PRPF18: variants seen among roughly 807,000 people sequenced by gnomAD.
The protein encoded by PRPF18 is pre-mRNA-splicing factor 18.
Under a neutral mutation model 46.5 loss-of-function variants are expected in PRPF18, and 38 were observed. The observed-to-expected ratio is 0.82, with a 90% CI of 0.63 to 1.07. PRPF18 has a LOEUF of 1.07. PRPF18 is among the 50% of genes least tolerant of loss of function. PRPF18 has a pLI of 0.00. For missense variants in PRPF18, 263 were observed against 410.0 expected (o/e 0.64, Z 3.10); for synonymous variants, 152 against 146.7 (o/e 1.04, Z -0.26).
At chr10:13,614,330 G>A (rs950655562) in intron 8 of PRPF18, among the ~76,000 whole-genome samples, 4 of 152,082 alleles carry the variant, frequency 2.6e-5, no homozygotes, top group African/African-American at 9.7e-5. Flanking sequence ...TTTTAAAATA[G>A]GCCTAAAGGT....
intron 5 of PRPF18, among the ~76,000 whole-genome samples, chr10:13,611,084 T>A (rs1182360101): frequency 1.3e-5 from 2 of 152,154 alleles, no homozygotes; most frequent in Admixed American, 1.3e-4. Context: ...CTGAATAAGA[T>A]CATAGTTGAG....
intron 5 of PRPF18, among the ~76,000 whole-genome samples, chr10:13,610,645 G>T (rs1450355815): frequency 6.6e-6 from 1 of 152,052 alleles, no homozygotes; most frequent in East Asian, 1.9e-4. Context: ...TTGACTTTTT[G>T]TTCTCCGGTA....
intron 5 of PRPF18, among the ~76,000 whole-genome samples, chr10:13,611,100 C>T (rs925195816): frequency 9.2e-5 from 14 of 151,592 alleles, no homozygotes; most frequent in East Asian, 1.9e-4. Context: ...TTGAGGAAGA[C>T]GTCATTTTAA....
chr10:13,638,006 T>G, the PRPF18 span: 1 of 152,366 alleles, frequency 6.6e-6, no homozygotes, highest in African/African-American at 2.4e-5. Context: ...GAGCCCTAAT[T>G]TGTTTAGAAC....
intron 1 of PRPF18, chr10:13,591,404 T>C (rs569730434): frequency 2.2e-6 from 1 of 459,424 alleles, no homozygotes; most frequent in East Asian, 3.3e-5. Context: ...TCATGTTTTA[T>C]TCAGTCCTCC....
chr10:13,610,256 G>T, intron 5 of PRPF18, 71 bp downstream of exon 5: 3 of 1,519,230 alleles, frequency 2.0e-6, no homozygotes, highest in Non-Finnish European at 2.7e-6. Flanking sequence ...GACTGAGTCG[G>T]GCAGATTGTT....
At chr10:13,644,654 G>C in the PRPF18 span, 5 of 152,196 alleles carry the variant, frequency 3.3e-5, no homozygotes, top group African/African-American at 1.2e-4. Context: ...GCATGATGTA[G>C]AACATGTAAC....
chr10:13,627,471 C>T (rs1414785492), intron 9 of PRPF18, among the ~76,000 whole-genome samples: 2 of 152,158 alleles, frequency 1.3e-5, no homozygotes, highest in African/African-American at 4.8e-5. Flanking sequence ...CTAAGCTAAG[C>T]AGCTCATTGT....
intron 1 of PRPF18, among the ~76,000 whole-genome samples, chr10:13,592,519 G>C (rs2079979101): frequency 6.6e-6 from 1 of 152,202 alleles, no homozygotes; most frequent in African/African-American, 2.4e-5. Context: ...GTTAATCTGT[G>C]ATAGTTGAAA....
At chr10:13,603,738 T>G (rs972856047) in intron 3 of PRPF18, among the ~76,000 whole-genome samples, 3 of 152,228 alleles carry the variant, frequency 2.0e-5, no homozygotes, top group Admixed American at 2.0e-4. Context: ...TCTGTACTTC[T>G]CGCAAGTTGA....
At chr10:13,601,373 T>C (rs931106622) in intron 3 of PRPF18, among the ~76,000 whole-genome samples, 1 of 152,226 alleles carries the variant, frequency 6.6e-6, no homozygotes, top group Non-Finnish European at 1.5e-5. Flanking sequence ...CCAACTATTA[T>C]TTTACTTAAA....
chr10:13,654,428 G>A, the PRPF18 span: 8 of 1,606,172 alleles, frequency 5.0e-6, no homozygotes, highest in Non-Finnish European at 6.0e-6. Flanking sequence ...AGTCTGCCAG[G>A]TTAGGATGTG....
In PRPF18 at chr10:13,616,382, T is replaced by C; in HGVS notation, c.793-16T>C. 6.3e-7 allele frequency: 1 copy of C among 1,596,400 alleles called. No homozygotes were observed. The highest frequency in any genetic ancestry group is 8.6e-7 in the Non-Finnish European group (1 of 1,168,606). Reference sequence around the variant, plus strand: ...CATTTTCGCCTTTCTGATTTCTTCTTACACTTTCCTTTCAGGCAAATGATG... The same window carrying C: ...CATTTTCGCCTTTCTGATTTCTTCTCACACTTTCCTTTCAGGCAAATGATG... On this transcript the variant is annotated splice_polypyrimidine_tract_variant and intron_variant, in intron 8 of 9. Coordinates refer to ENST00000378572, the MANE Select transcript of PRPF18 (RefSeq NM_003675.4).
At chr10:13,600,675 C>T (rs2080092419) in intron 3 of PRPF18, among the ~76,000 whole-genome samples, 1 of 152,050 alleles carries the variant, frequency 6.6e-6, no homozygotes, top group African/African-American at 2.4e-5. Context: ...CTTCCCTTTC[C>T]CTTATTTAAT....
downstream of PRPF18, among the ~76,000 whole-genome samples, chr10:13,634,988 A>G (rs1194327230): frequency 1.3e-5 from 2 of 152,054 alleles, no homozygotes; most frequent in Non-Finnish European, 2.9e-5. Flanking sequence ...ACATCATCCT[A>G]TCACCCGGAT....
the PRPF18 span, chr10:13,652,765 G>A: frequency 6.6e-6 from 1 of 152,202 alleles, no homozygotes; most frequent in African/African-American, 2.4e-5. Context: ...CTTGAGTGTG[G>A]GTCAGCATCA....
rs555349356 is a variant in PRPF18, at chr10:13,593,093, C to T, written c.67-4365C>T. 6.4e-4 allele frequency among the ~76,000 whole-genome samples: 98 copies of T among 152,182 alleles called. 1 individual carries two copies. Among genetic ancestry groups the T allele is most frequent in the Non-Finnish European group, 1.2e-3 (81 of 68,032 alleles). On this transcript the variant is annotated intron_variant, in intron 1 of 9. Coordinates refer to ENST00000378572, the MANE Select transcript of PRPF18 (RefSeq NM_003675.4). ...ATAATAAGCAACAACCCCTACCCCA[C>T]ATTATACAAAACATTCTGAAATGAA...
chr10:13,611,754 C>T (rs2080272091), intron 6 of PRPF18, 71 bp downstream of exon 6: 2 of 1,407,362 alleles, frequency 1.4e-6, no homozygotes, highest in Admixed American at 3.6e-5. Context: ...TTTGGATTAC[C>T]AAGGGTTAAA....
chr10:13,624,434 G>A (rs1370047254), intron 9 of PRPF18, among the ~76,000 whole-genome samples: 1 of 152,232 alleles, frequency 6.6e-6, no homozygotes, highest in South Asian at 2.1e-4. Flanking sequence ...AGGATATTAG[G>A]CACTTCTCAA....
Sources: allele counts gnomAD v4.1 joint callset (sites outside exome capture counted in the v4.1 genomes callset), GRCh38; gene constraint gnomAD v4.1.1; transcripts MANE v1.5; gene names NCBI Gene and HGNC (gene_info 2026-07-23, HGNC 2026-07-21).